The following WWOX variants were observed in gnomAD, a reference collection of about 807,000 sequenced individuals.
WWOX encodes the protein WW domain containing oxidoreductase.
WWOX carries 69 observed loss-of-function variants against 46.2 expected under a neutral mutation model. That is an observed-to-expected ratio of 1.49 (90% CI 1.23 to 1.82). WWOX has a LOEUF of 1.82. Ranked by LOEUF, WWOX falls within the 40% of genes most tolerant of loss-of-function variation. The pLI is 0.00. For missense variants in WWOX, 919 were observed against 542.6 expected (o/e 1.69, Z -6.89); for synonymous variants, 359 against 202.6 (o/e 1.77, Z -6.56).
intron 8 of WWOX, among the ~76,000 whole-genome samples, chr16:78,470,551 A>G (rs1470354396): frequency 1.3e-5 from 2 of 152,056 alleles, no homozygotes; most frequent in Non-Finnish European, 2.9e-5. Context: ...TATGTTTGAG[A>G]CAGAATCTTG....
chr16:78,443,206 G>A (rs1405322818), intron 8 of WWOX, among the ~76,000 whole-genome samples: 1 of 148,200 alleles, frequency 6.7e-6, no homozygotes, highest in Non-Finnish European at 1.5e-5. Context: ...TTGGGAGGCT[G>A]AGACATGAAA....
rs1455454918 is a variant in WWOX at position 78,548,180 on chromosome 16, T to TCA, written c.1056+115428_1056+115429insCA. 7.0e-4 allele frequency among the ~76,000 whole-genome samples: 12 copies of TCA among 17,248 alleles called. 1 individual carries two copies. The South Asian group carries it at 0.012, about 17-fold the overall frequency. The allele number at this position is 17,248 out of a possible 152,430, so 11.3% of individuals were successfully genotyped here. On this transcript the variant is annotated intron_variant, in intron 8 of 8. Transcript: ENST00000566780. ...AAAAAAAAAAAAAAAAAAAAAAAATTACGAATTTTGCGAGGACGCAAACAT... is the reference window on the plus strand; with the variant it reads ...AAAAAAAAAAAAAAAAAAAAAAAATTCAACGAATTTTGCGAGGACGCAAACAT...
intron 8 of WWOX, among the ~76,000 whole-genome samples, chr16:78,582,620 G>T (rs1018409103): frequency 2.6e-5 from 4 of 152,086 alleles, no homozygotes; most frequent in African/African-American, 7.2e-5. Context: ...GTCTATTGGT[G>T]GTTGATTGGT....
At chr16:78,100,673 T>C (rs2031715636) in intron 1 of WWOX, among the ~76,000 whole-genome samples, 5 of 152,230 alleles carry the variant, frequency 3.3e-5, no homozygotes, top group Admixed American at 1.3e-4. Flanking sequence ...TAACGTTTAA[T>C]CTTGGTTTTT....
intron 5 of WWOX, among the ~76,000 whole-genome samples, chr16:78,173,427 T>TAC: frequency 6.6e-6 from 1 of 151,890 alleles, no homozygotes; most frequent in East Asian, 1.9e-4. Context: ...TAGCTGGGAC[T>TAC]ACAGGCTTAT....
intron 8 of WWOX, among the ~76,000 whole-genome samples, chr16:78,802,657 T>A (rs2050920805): frequency 3.3e-5 from 5 of 151,936 alleles, no homozygotes; most frequent in Admixed American, 3.3e-4. Flanking sequence ...GCCTCATGCC[T>A]GTAATCCCAG....
chr16:78,426,142 C>T (rs1161072798), intron 7 of WWOX, among the ~76,000 whole-genome samples: 2 of 152,206 alleles, frequency 1.3e-5, no homozygotes. Flanking sequence ...TGTTAAAAGA[C>T]ATGAAACATC....
chr16:78,630,249 C>T (rs545445305), intron 8 of WWOX, among the ~76,000 whole-genome samples: 1 of 152,132 alleles, frequency 6.6e-6, no homozygotes, highest in Admixed American at 6.5e-5. Flanking sequence ...CTCACTGTTG[C>T]TGTGTGGGAA....
At chr16:78,264,993 C>G (rs1304110812) in intron 5 of WWOX, 1 of 64,330 alleles carries the variant, frequency 1.6e-5, no homozygotes, top group Non-Finnish European at 2.8e-5. Flanking sequence ...CCCTTTCTTT[C>G]TTTCTTTCTT....
intron 8 of WWOX, among the ~76,000 whole-genome samples, chr16:79,051,176 G>A (rs1185803290): frequency 1.3e-5 from 2 of 152,214 alleles, no homozygotes; most frequent in Non-Finnish European, 2.9e-5. Flanking sequence ...TGAAGTTGGA[G>A]CCTGTTGGGA....
At chr16:78,385,667 G>C (rs1020728438) in intron 5 of WWOX, among the ~76,000 whole-genome samples, 1 of 152,134 alleles carries the variant, frequency 6.6e-6, no homozygotes, top group African/African-American at 2.4e-5. Context: ...GGACACTTAG[G>C]GTAGAGGATG....
intron 5 of WWOX, among the ~76,000 whole-genome samples, chr16:78,195,178 T>C (rs948533773): frequency 3.3e-5 from 5 of 152,166 alleles, no homozygotes; most frequent in African/African-American, 4.8e-5. Context: ...CTTCCACTTG[T>C]TCAGATCTCA....
At chr16:79,058,748 C>T (rs145112444) in intron 8 of WWOX, among the ~76,000 whole-genome samples, 122 of 152,226 alleles carry the variant, frequency 8.0e-4, no homozygotes, top group African/African-American at 2.7e-3. Context: ...GCAATGTTTA[C>T]GATATACTTC....
chr16:78,371,684 T>G (rs993011738), intron 5 of WWOX, among the ~76,000 whole-genome samples: 1 of 152,212 alleles, frequency 6.6e-6, no homozygotes, highest in Non-Finnish European at 1.5e-5. Context: ...CATTTTTATC[T>G]TTAGTGTTTA....
intron 8 of WWOX, among the ~76,000 whole-genome samples, chr16:78,741,716 A>T (rs1195704763): frequency 2.0e-5 from 3 of 150,816 alleles, no homozygotes; most frequent in Admixed American, 2.0e-4. Context: ...TCAGTGGGGC[A>T]TGGGGCGGGT....
Position 78,418,251 on chromosome 16 carries a change from C to T in WWOX, c.606-6619C>T, listed in dbSNP as rs566260130. Among the ~76,000 whole-genome samples, 22 of 151,994 alleles carry T rather than the reference C, an allele frequency of 1.4e-4. No homozygotes were observed. In the South Asian group the frequency reaches 4.6e-3, roughly 32 times the overall value. On this transcript the variant is annotated intron_variant, in intron 6 of 8. Transcript: ENST00000566780. ...TGGTGGCGGGCACCTGTAGGCCCAG[C>T]TACTTGGGAGGCTGAGGCAGGAGAA... is the stretch of plus-strand genomic sequence containing the variant.
chr16:78,790,876 G>A (rs183012723), intron 8 of WWOX, among the ~76,000 whole-genome samples: 42 of 151,792 alleles, frequency 2.8e-4, no homozygotes, highest in Admixed American at 2.2e-3. Flanking sequence ...AAAATTAGCC[G>A]GGCGTTTTGG....
At chr16:78,430,349 G>A (rs768895804) in intron 7 of WWOX, among the ~76,000 whole-genome samples, 1 of 152,224 alleles carries the variant, frequency 6.6e-6, no homozygotes, top group Admixed American at 6.5e-5. Flanking sequence ...AACCGTATCA[G>A]TCACCCTCCA....
chr16:78,746,488 G>C (rs1349320950), intron 8 of WWOX, among the ~76,000 whole-genome samples: 1 of 151,974 alleles, frequency 6.6e-6, no homozygotes, highest in Admixed American at 6.6e-5. Flanking sequence ...AGGACTTTAG[G>C]CCTGCTAAAG....
Sources: allele counts gnomAD v4.1 joint callset (sites outside exome capture counted in the v4.1 genomes callset), GRCh38; gene constraint gnomAD v4.1.1; transcripts MANE v1.5; gene names NCBI Gene and HGNC (gene_info 2026-07-23, HGNC 2026-07-21).